AFDN: variants seen among roughly 807,000 people sequenced by gnomAD.
The protein encoded by AFDN is afadin, adherens junction formation factor, also known as afadin.
Under a neutral mutation model 216.6 loss-of-function variants are expected in AFDN, and 68 were observed. The observed-to-expected ratio is 0.31, with a 90% confidence interval of 0.26 to 0.38. The LOEUF (loss-of-function observed/expected upper bound fraction) is 0.38, where lower values mean the gene tolerates loss of function less well. AFDN is among the 10% of genes least tolerant of loss of function. AFDN has a pLI of 1.00. For synonymous variants in AFDN, 868 were observed against 853.7 expected (o/e 1.02, Z -0.29); for missense variants, 2,136 against 2,342.0 (o/e 0.91, Z 1.82).
chr6:167,851,384 G>A (rs1457148051), intron 1 of AFDN, among the ~76,000 whole-genome samples: 1 of 152,074 alleles, frequency 6.6e-6, no homozygotes, highest in African/African-American at 2.4e-5. Context: ...CAGGTATTAA[G>A]CCTAGTATCC....
In AFDN at chr6:167,962,867, T is replaced by C. The variant is rs1392642948; in HGVS notation, c.4968+300T>C. 17 of 1,217,222 alleles carry C rather than the reference T, an allele frequency of 1.4e-5. No homozygotes were observed. The highest frequency in any genetic ancestry group is 3.3e-5 in the East Asian group (1 of 30,288). 75.4% of individuals were successfully genotyped at this position (1,217,222 alleles called of 1,614,324 possible). ...AAGGGTTCGTTTCCTCGGGCACTCA[T>C]CTTTACTGAACATGGCCCAGCTTGT... On this transcript the variant is annotated intron_variant, in intron 31 of 33. Coordinates refer to ENST00000683244, the MANE Select transcript of AFDN (RefSeq NM_001386888.1). The surrounding 1 kb of genome is among the most constrained non-coding windows in gnomAD (Gnocchi z 5.2).
At chr6:167,856,775 CAG>C (rs1413582670) in intron 1 of AFDN, among the ~76,000 whole-genome samples, 1 of 151,996 alleles carries the variant, frequency 6.6e-6, no homozygotes, top group African/African-American at 2.4e-5. Flanking sequence ...AAGGCTAAAA[CAG>C]AAACTTTCAA....
At position 167,965,764 on chromosome 6, in the gene AFDN, A is replaced by C; in HGVS notation, c.4976A>C (p.Gln1659Pro). Reference protein sequence around the residue: ...TKRDAEEKRRQEEGYYSRLEA... With the variant: ...TKRDAEEKRRPEEGYYSRLEA... ...GTCTATTCCCGCCCGCAGAGGCGACAGGAAGAAGGGTATTACAGCCGCCTG... is the reference window on the plus strand; with the variant it reads ...GTCTATTCCCGCCCGCAGAGGCGACCGGAAGAAGGGTATTACAGCCGCCTG... The change falls in exon 32 of 34, where the codon CAG becomes CCG. Residue 1659 changes from glutamine (Q) to proline (P), a missense_variant. By Grantham distance (76) the Gln-to-Pro change is moderately conservative. Transcript: ENST00000683244. 1 of 1,541,094 alleles carries C rather than the reference A, an allele frequency of 6.5e-7. No individual in the cohort carries two copies. Among genetic ancestry groups the C allele is most frequent in the Non-Finnish European group, 8.7e-7 (1 of 1,145,100 alleles).
At chr6:167,888,820 A>G (rs1020827532) in intron 6 of AFDN, among the ~76,000 whole-genome samples, 1 of 152,206 alleles carries the variant, frequency 6.6e-6, no homozygotes, top group African/African-American at 2.4e-5. Context: ...GTATGAGCCC[A>G]CTTTATAAAA....
intron 30 of AFDN, among the ~76,000 whole-genome samples, chr6:167,957,531 T>C (rs1388301238): frequency 6.6e-6 from 1 of 152,192 alleles, no homozygotes; most frequent in Non-Finnish European, 1.5e-5. Context: ...GTAAGTCATG[T>C]TCAAACCAAA....
At position 167,880,458 on chromosome 6, in the gene AFDN, G is replaced by A. The variant is rs748227470; in HGVS notation, c.838G>A (p.Glu280Lys). 2 of 1,613,798 alleles carry A rather than the reference G, an allele frequency of 1.2e-6. No homozygotes were observed. Among genetic ancestry groups the A allele is most frequent in the African/African-American group, 1.3e-5 (1 of 74,916 alleles). The change falls in exon 6 of 34, where the codon GAA becomes AAA. Residue 280 changes from glutamate (E) to lysine (K), a missense_variant. This residue lies in a region of AFDN where 817 missense variants were observed against 965.7 expected (regional missense o/e 0.85). Coordinates refer to ENST00000683244, the MANE Select transcript of AFDN (RefSeq NM_001386888.1). The part of the protein sequence containing the change: ...TTDPADFAVA[E>K]ALEKYGLEKE... ...AGATCCTGCAGACTTTGCTGTGGCT[G>A]AAGCTTTAGAGAAGTATGGTCTGGA... is the stretch of plus-strand genomic sequence containing the variant.
chr6:167,854,976 AT>A (rs1277685010), intron 1 of AFDN, among the ~76,000 whole-genome samples: 1 of 151,800 alleles, frequency 6.6e-6, no homozygotes, highest in Non-Finnish European at 1.5e-5. Flanking sequence ...GTGTAACTTG[AT>A]TTTTTTCAGA....
Position 167,908,289 on chromosome 6 carries a change from G to T in AFDN, c.1769+1000G>T, listed in dbSNP as rs573676471. 7.2e-4 allele frequency among the ~76,000 whole-genome samples: 109 copies of T among 152,314 alleles called. 1 individual carries two copies. The highest frequency in any genetic ancestry group is 2.5e-3 in the African/African-American group (105 of 41,572). On this transcript the variant is annotated intron_variant, in intron 13 of 33. Transcript: ENST00000683244. The stretch of plus-strand genomic sequence containing the variant: ...CAGCAGAGGGCACTGGATATTGCAG[G>T]ATTTTAATATCATTCATCACCAGTT...
At chr6:167,968,000 A>G (rs778245473) in intron 32 of AFDN, among the ~76,000 whole-genome samples, 1 of 152,184 alleles carries the variant, frequency 6.6e-6, no homozygotes, top group South Asian at 2.1e-4. Context: ...AAGCTTTTTG[A>G]AAATGATCTG....
At position 167,951,785 on chromosome 6, in the gene AFDN, C is replaced by T. The variant is rs760514727; in HGVS notation, c.4431C>T (p.Leu1477=). The T allele has an allele frequency of 6.8e-6, 11 of 1,614,038 alleles. No individual in the cohort carries two copies. The South Asian group carries it at 1.1e-4, about 16-fold the overall frequency. Reference sequence around the variant, plus strand: ...TGAAGCCCGAAAAGCCTTCCACACTCCAGCGGCCACAGGAAACAGTCATTC... The same window carrying T: ...TGAAGCCCGAAAAGCCTTCCACACTTCAGCGGCCACAGGAAACAGTCATTC... ...QQMKPEKPST[L]QRPQETVIRE... is the part of the protein sequence containing the mutation. The change falls in exon 30 of 34, where the codon CTC becomes CTT. Residue 1477 remains leucine (L), a synonymous_variant. Coordinates refer to ENST00000683244, the MANE Select transcript of AFDN (RefSeq NM_001386888.1). This position sits in a 1 kb window ranked among gnomAD's most constrained non-coding sequence, Gnocchi z 7.1.
intron 23 of AFDN, among the ~76,000 whole-genome samples, chr6:167,925,714 C>G (rs1324328265): frequency 6.6e-6 from 1 of 152,196 alleles, no homozygotes; most frequent in East Asian, 1.9e-4. Context: ...TAAAGCTACA[C>G]AGATCTTTTC....
rs117167241 is a variant in AFDN, at chr6:167,938,796, T to A, written c.3100-4333T>A. On this transcript the variant is annotated intron_variant, in intron 23 of 33. Transcript: ENST00000683244. ...GTGATTACTGCTCTGAATGAAGGAG[T>A]TGAAACATGGAGTAACAGGTGCCAC... Among the ~76,000 whole-genome samples the A allele has an allele frequency of 3.3e-5, 5 of 151,756 alleles. No individual in the cohort carries two copies. The East Asian group carries it at 9.7e-4, about 29-fold the overall frequency.
intron 22 of AFDN, among the ~76,000 whole-genome samples, chr6:167,924,221 G>A (rs917811424): frequency 3.3e-5 from 5 of 151,946 alleles, no homozygotes; most frequent in African/African-American, 1.2e-4. Context: ...TCTTGGCAAG[G>A]TACCTTCCTG....
intron 30 of AFDN, among the ~76,000 whole-genome samples, chr6:167,960,167 C>T (rs886534960): frequency 1.3e-5 from 2 of 152,116 alleles, no homozygotes; most frequent in African/African-American, 2.4e-5. Flanking sequence ...AGCAACATAG[C>T]TTTGAAGAAC....
intron 12 of AFDN, among the ~76,000 whole-genome samples, chr6:167,903,069 C>T (rs1182289818): frequency 6.6e-6 from 1 of 152,196 alleles, no homozygotes; most frequent in African/African-American, 2.4e-5. Context: ...TACTAAATCC[C>T]ATTCATCAGT....
Position 167,827,229 on chromosome 6 carries a change from C to T in AFDN, c.97C>T (p.Pro33Ser). 1 of 1,207,148 alleles carries T rather than the reference C, an allele frequency of 8.3e-7. No homozygotes were observed. Among genetic ancestry groups the T allele is most frequent in the Non-Finnish European group, 1.1e-6 (1 of 940,530 alleles). 74.8% of individuals were successfully genotyped at this position (1,207,148 alleles called of 1,614,324 possible). A position where few individuals can be genotyped will look rare whatever the true frequency, so the allele number is the denominator to read the frequency against. The change falls in exon 1 of 34, where the codon CCG becomes TCG. Residue 33 changes from proline (P) to serine (S), a missense_variant. Pro to Ser is a moderately conservative substitution (Grantham distance 74, BLOSUM62 -1). Coordinates refer to ENST00000683244, the MANE Select transcript of AFDN (RefSeq NM_001386888.1). ...NRLDLFEISQ[P>S]TEDLEFHGVM... ...GCTGGACCTGTTCGAGATCAGCCAGCCGACCGAGGTGAGCACCGCCGGGCG... is the reference window on the plus strand; with the variant it reads ...GCTGGACCTGTTCGAGATCAGCCAGTCGACCGAGGTGAGCACCGCCGGGCG...
At chr6:167,919,888 C>T (rs910814255) in intron 21 of AFDN, among the ~76,000 whole-genome samples, 3 of 152,064 alleles carry the variant, frequency 2.0e-5, no homozygotes, top group South Asian at 2.1e-4. Flanking sequence ...GTTTTATGCC[C>T]GTAGGTATAT....
At chr6:167,953,758 C>T (rs1174427876) in intron 30 of AFDN, among the ~76,000 whole-genome samples, 2 of 152,320 alleles carry the variant, frequency 1.3e-5, no homozygotes, top group East Asian at 3.9e-4. Flanking sequence ...CAGGTGCATG[C>T]TCCTCTGCTC....
intron 23 of AFDN, among the ~76,000 whole-genome samples, chr6:167,935,481 T>C (rs687104): frequency 0.14 from 21,015 of 152,202 alleles, 1,533 homozygotes; most frequent in Non-Finnish European, 0.16. Context: ...TTAAGTGTGG[T>C]TAATTAAATT....
Sources: allele counts gnomAD v4.1 joint callset (sites outside exome capture counted in the v4.1 genomes callset), GRCh38; gene constraint gnomAD v4.1.1; regional missense constraint gnomAD v4.1.1; non-coding constraint Gnocchi (gnomAD v3.1); transcripts MANE v1.5; gene names NCBI Gene and HGNC (gene_info 2026-07-23, HGNC 2026-07-21).